Variants in CADM3 observed in about 807,000 individuals in gnomAD.
CADM3 encodes the protein TSLC1-like 1.
A neutral mutation model predicts 44.9 loss-of-function variants in CADM3; 11 were observed. The ratio of observed to expected loss-of-function variants is 0.25; its 90% CI spans 0.15 to 0.41. The LOEUF (loss-of-function observed/expected upper bound fraction) is 0.41. Among genes scored for constraint, CADM3 ranks in the 10% least tolerant of loss-of-function variants. The pLI is 1.00. For synonymous variants in CADM3, 207 were observed against 205.2 expected (o/e 1.01, Z -0.08); for missense variants, 426 against 512.0 (o/e 0.83, Z 1.62).
intron 3 of CADM3, 54 bp from the exon 4 acceptor site, chr1:159,193,367 AGT>A (rs1284078403): frequency 3.3e-6 from 5 of 1,530,916 alleles, no homozygotes; most frequent in Non-Finnish European, 3.5e-6. Context: ...GGAGAGCAGA[AGT>A]GTGACCCCAT....
chr1:159,196,581 A>C (rs1437838032), intron 6 of CADM3, 127 bp downstream of exon 6: 3 of 779,234 alleles, frequency 3.8e-6, no homozygotes, highest in Non-Finnish European at 6.3e-6. Flanking sequence ...CTGACTGTCC[A>C]ATAATGTCCG....
At chr1:159,196,307 G>A in intron 5 of CADM3, 57 bp from the exon 6 acceptor site, 3 of 1,379,406 alleles carry the variant, frequency 2.2e-6, no homozygotes, top group Non-Finnish European at 3.1e-6. Context: ...AACTAAGTGA[G>A]GGAATCTCCT....
intron 7 of CADM3, 39 bp downstream of exon 7, chr1:159,197,099 T>C: frequency 6.3e-7 from 1 of 1,589,608 alleles, no homozygotes; most frequent in East Asian, 2.2e-5. Context: ...GAATCTCCTT[T>C]CTCTGTCCAT....
rs960106447 is a variant in CADM3, at chr1:159,202,248, AC to A, written c.*1328del. On this transcript the variant is annotated 3_prime_UTR_variant, in exon 9 of 9. Coordinates refer to ENST00000368125, the MANE Select transcript of CADM3 (RefSeq NM_001127173.3). ...TATTCCTAGTCAGGGTTCACACCTC[AC>A]CTGGGATGTTGTTCCATGCTGGTAT... The A allele has an allele frequency of 1.3e-5, 2 of 152,544 alleles. No homozygotes were observed. The highest frequency in any genetic ancestry group is 4.8e-5 in the African/African-American group (2 of 41,386). 9.4% of individuals were successfully genotyped at this position (152,544 alleles called of 1,614,324 possible).
At chr1:159,189,174 T>C (rs913989566) in intron 1 of CADM3, among the ~76,000 whole-genome samples, 6 of 152,218 alleles carry the variant, frequency 3.9e-5, no homozygotes, top group Admixed American at 3.9e-4. Flanking sequence ...AAATCAGGCA[T>C]TGAATTTCTA....
At chr1:159,192,884 A>C (rs1649732869) in intron 3 of CADM3, among the ~76,000 whole-genome samples, 154 bp downstream of exon 3, 1 of 152,170 alleles carries the variant, frequency 6.6e-6, no homozygotes, top group South Asian at 2.1e-4. Flanking sequence ...AAAATGTAAA[A>C]AGAAATGGGT....
At chr1:159,188,959 C>G (rs1291322567) in intron 1 of CADM3, among the ~76,000 whole-genome samples, 1 of 152,096 alleles carries the variant, frequency 6.6e-6, no homozygotes, top group Non-Finnish European at 1.5e-5. Context: ...TGACGCAGGC[C>G]CTGGAAAAGG....
At chr1:159,190,799 CT>C (rs759719022) in intron 1 of CADM3, among the ~76,000 whole-genome samples, 38 of 152,300 alleles carry the variant, frequency 2.5e-4, no homozygotes, top group South Asian at 8.3e-4. Flanking sequence ...TTTTAAAGTT[CT>C]CTACAGGGGA....
chr1:159,184,411 T>G (rs1649343180), intron 1 of CADM3, among the ~76,000 whole-genome samples: 1 of 152,354 alleles, frequency 6.6e-6, no homozygotes, highest in Admixed American at 6.5e-5. Flanking sequence ...TATTTTTAAC[T>G]CTGGAGTTAG....
At chr1:159,187,392 C>CA (rs1353951441) in intron 1 of CADM3, among the ~76,000 whole-genome samples, 1 of 152,128 alleles carries the variant, frequency 6.6e-6, no homozygotes, top group African/African-American at 2.4e-5. Flanking sequence ...CACAGAATGT[C>CA]AAAAAAGCCC....
Position 159,197,020 on chromosome 1 carries a change from C to A in CADM3, c.912C>A (p.Asn304Lys). ...CCTACGGCTGCACAGCCACCAGCAA[C>A]ATGGGCAGCTACAAGGCCTACTACA... The part of the protein sequence containing the change: ...SGTYGCTATS[N>K]MGSYKAYYTL... Residue 304 changes from asparagine (N) to lysine (K), a missense_variant, in exon 7 of 9, where the codon AAC becomes AAA. Asn to Lys is a moderately conservative substitution (Grantham distance 94, BLOSUM62 0). Around this residue, in one of 2 missense-constraint regions of CADM3, gnomAD observed 362 missense variants for 474.6 expected, o/e 0.76. Coordinates refer to ENST00000368125, the MANE Select transcript of CADM3 (RefSeq NM_001127173.3). 6.2e-7 allele frequency: 1 copy of A among 1,614,186 alleles called. No homozygotes were observed. The highest frequency in any genetic ancestry group is 8.5e-7 in the Non-Finnish European group (1 of 1,180,018).
intron 8 of CADM3, among the ~76,000 whole-genome samples, chr1:159,200,216 C>T (rs913869435): frequency 7.2e-5 from 11 of 152,146 alleles, no homozygotes; most frequent in Non-Finnish European, 1.3e-4. Flanking sequence ...TTGCTTCCTG[C>T]GCTTTCTTCC....
At chr1:159,188,593 G>A (rs897560517) in intron 1 of CADM3, among the ~76,000 whole-genome samples, 3 of 152,114 alleles carry the variant, frequency 2.0e-5, no homozygotes, top group Admixed American at 2.0e-4. Flanking sequence ...AGCAGCTCTG[G>A]GCTCTGCTCA....
chr1:159,180,518 G>T (rs1649187775), intron 1 of CADM3, among the ~76,000 whole-genome samples: 1 of 152,100 alleles, frequency 6.6e-6, no homozygotes, highest in South Asian at 2.1e-4. Context: ...TTTCACAGAA[G>T]AGTGAAATTC....
At chr1:159,189,820 C>G (rs758913293) in intron 1 of CADM3, 2 of 1,607,724 alleles carry the variant, frequency 1.2e-6, no homozygotes, top group Non-Finnish European at 1.7e-6. Flanking sequence ...CTCCACTCGA[C>G]GAGGCCATCA....
intron 3 of CADM3, among the ~76,000 whole-genome samples, 188 bp downstream of exon 3, chr1:159,192,918 C>G (rs1218306641): frequency 6.6e-6 from 1 of 152,218 alleles, no homozygotes; most frequent in African/African-American, 2.4e-5. Flanking sequence ...GCTCTACTTG[C>G]TGTTTGATCT....
In CADM3 at chr1:159,197,026, C is replaced by T; in HGVS notation, c.918C>T (p.Gly306=). 1.2e-6 allele frequency: 2 copies of T among 1,614,176 alleles called. No individual in the cohort carries two copies. The highest frequency in any genetic ancestry group is 2.7e-5 in the African/African-American group (2 of 75,044). Residue 306 remains glycine, a synonymous_variant, in exon 7 of 9, where the codon GGC becomes GGT. Coordinates refer to ENST00000368125, the MANE Select transcript of CADM3 (RefSeq NM_001127173.3). ...TYGCTATSNM[G]SYKAYYTLNV... ...GCTGCACAGCCACCAGCAACATGGG[C>T]AGCTACAAGGCCTACTACACCCTCA...
chr1:159,200,217 G>GCTTTCTTC (rs1157586208), intron 8 of CADM3, among the ~76,000 whole-genome samples: 1 of 152,076 alleles, frequency 6.6e-6, no homozygotes, highest in Non-Finnish European at 1.5e-5. Context: ...TGCTTCCTGC[G>GCTTTCTTC]CTTTCTTCCT....
intron 1 of CADM3, among the ~76,000 whole-genome samples, chr1:159,178,299 T>C (rs907237235): frequency 1.1e-4 from 17 of 152,218 alleles, no homozygotes; most frequent in Admixed American, 6.5e-5. Context: ...ACCCAGTTTA[T>C]AAACATGTAC....
Sources: allele counts gnomAD v4.1 joint callset (sites outside exome capture counted in the v4.1 genomes callset), GRCh38; gene constraint gnomAD v4.1.1; regional missense constraint gnomAD v4.1.1; transcripts MANE v1.5; gene names NCBI Gene and HGNC (gene_info 2026-07-23, HGNC 2026-07-21).